The following RABGAP1L variants were observed in gnomAD, a reference collection of about 807,000 sequenced individuals.
RABGAP1L encodes the protein rab GTPase-activating protein 1-like.
Under a neutral mutation model 137.7 loss-of-function variants are expected in RABGAP1L, and 63 were observed. That is an observed-to-expected ratio of 0.46 (90% confidence interval 0.37 to 0.56). RABGAP1L has a LOEUF of 0.56. Ranked by LOEUF, RABGAP1L falls within the 20% of genes least tolerant of loss-of-function variation. The pLI, the probability that RABGAP1L is intolerant of heterozygous loss-of-function variation, is 0.00. For synonymous variants in RABGAP1L, 431 were observed against 433.7 expected (o/e 0.99, Z 0.08); for missense variants, 1,095 against 1,244.0 (o/e 0.88, Z 1.80).
intron 13 of RABGAP1L, among the ~76,000 whole-genome samples, chr1:174,512,870 C>T (rs770898963): frequency 1.3e-5 from 2 of 152,138 alleles, no homozygotes; most frequent in Admixed American, 1.3e-4. Context: ...CACATGTACA[C>T]ATACAAAATT....
At chr1:174,780,311 C>T (rs1239396328) in intron 18 of RABGAP1L, among the ~76,000 whole-genome samples, 2 of 152,032 alleles carry the variant, frequency 1.3e-5, no homozygotes, top group African/African-American at 4.8e-5. Flanking sequence ...ATTCCAACCT[C>T]ACCATGGATC....
At chr1:174,359,032 G>A (rs1254630787) in intron 11 of RABGAP1L, among the ~76,000 whole-genome samples, 1 of 152,208 alleles carries the variant, frequency 6.6e-6, no homozygotes, top group Non-Finnish European at 1.5e-5. Context: ...CCTGAATTAT[G>A]ATGGAAAAGT....
intron 14 of RABGAP1L, among the ~76,000 whole-genome samples, chr1:174,672,977 A>G (rs1217865355): frequency 6.6e-6 from 1 of 152,110 alleles, no homozygotes; most frequent in Non-Finnish European, 1.5e-5. Flanking sequence ...GAATATTCCA[A>G]ATAGGGATAG....
intron 14 of RABGAP1L, among the ~76,000 whole-genome samples, chr1:174,677,795 T>C (rs1052425393): frequency 3.3e-5 from 5 of 152,228 alleles, no homozygotes; most frequent in Non-Finnish European, 4.4e-5. Flanking sequence ...CTGGCAAGTT[T>C]ATAGCTTTAA....
chr1:174,308,872 A>G (rs1558120190), intron 11 of RABGAP1L, among the ~76,000 whole-genome samples: 1 of 151,942 alleles, frequency 6.6e-6, no homozygotes, highest in African/African-American at 2.4e-5. Flanking sequence ...TTGTGGCTCT[A>G]TATGAATCTT....
At chr1:174,612,284 A>C (rs1671327209) in intron 13 of RABGAP1L, among the ~76,000 whole-genome samples, 1 of 152,182 alleles carries the variant, frequency 6.6e-6, no homozygotes, top group Non-Finnish European at 1.5e-5. Flanking sequence ...GAATTTTGTC[A>C]AAGGCCTTTT....
chr1:174,814,058 T>TG (rs1690136907), intron 19 of RABGAP1L, among the ~76,000 whole-genome samples: 1 of 151,966 alleles, frequency 6.6e-6, no homozygotes, highest in Non-Finnish European at 1.5e-5. Context: ...TAGGGAAAAT[T>TG]TTTTTCTCCA....
At chr1:174,692,503 A>T (rs1348390301) in intron 15 of RABGAP1L, among the ~76,000 whole-genome samples, 1 of 152,148 alleles carries the variant, frequency 6.6e-6, no homozygotes, top group Non-Finnish European at 1.5e-5. Flanking sequence ...TTGAAACTGC[A>T]GTTTGTCTGA....
chr1:174,897,444 T>C (rs575679623), intron 19 of RABGAP1L: 2 of 152,338 alleles, frequency 1.3e-5, no homozygotes, highest in East Asian at 3.9e-4. Context: ...AATATTCACT[T>C]ACCTCTGATC....
chr1:174,212,617 C>G (rs1392592841), intron 1 of RABGAP1L, among the ~76,000 whole-genome samples: 1 of 151,322 alleles, frequency 6.6e-6, no homozygotes, highest in Non-Finnish European at 1.5e-5. Flanking sequence ...AGCGACCTAA[C>G]AATACTTAAA....
intron 19 of RABGAP1L, among the ~76,000 whole-genome samples, chr1:174,832,918 A>G (rs966703497): frequency 6.6e-6 from 1 of 152,216 alleles, no homozygotes; most frequent in Admixed American, 6.5e-5. Context: ...TGGCATGTTT[A>G]TCATTTAATC....
intron 13 of RABGAP1L, among the ~76,000 whole-genome samples, chr1:174,517,011 G>C (rs185331476): frequency 6.9e-4 from 105 of 151,652 alleles, no homozygotes; most frequent in African/African-American, 2.3e-3. Context: ...TGTTAATATA[G>C]TCCTGTATTC....
At chr1:174,720,176 C>T (rs1441395133) in intron 17 of RABGAP1L, among the ~76,000 whole-genome samples, 1 of 151,796 alleles carries the variant, frequency 6.6e-6, no homozygotes, top group Non-Finnish European at 1.5e-5. Context: ...GATGCCAAGA[C>T]AATTTAGTAA....
chr1:174,481,035 CCTTT>C (rs1659035394), intron 13 of RABGAP1L, among the ~76,000 whole-genome samples: 1 of 152,140 alleles, frequency 6.6e-6, no homozygotes, highest in Non-Finnish European at 1.5e-5. Flanking sequence ...TTTACTCTCA[CCTTT>C]CTTTATCTGT....
At chr1:174,540,517 G>C (rs1171352834) in intron 13 of RABGAP1L, among the ~76,000 whole-genome samples, 3 of 152,178 alleles carry the variant, frequency 2.0e-5, no homozygotes, top group South Asian at 2.1e-4. Context: ...CGTATGGCTA[G>C]CCAGTTTTCC....
intron 13 of RABGAP1L, among the ~76,000 whole-genome samples, chr1:174,498,045 GTTTTA>G (rs1328202251): frequency 6.6e-6 from 1 of 152,072 alleles, no homozygotes; most frequent in African/African-American, 2.4e-5. Context: ...TTTAAAACAA[GTTTTA>G]TTTTTTTATT....
At position 174,810,892 on chromosome 1, in the gene RABGAP1L, G is replaced by C. The variant is rs564329239; in HGVS notation, c.2212-940G>C. ...GTGGGAAGATACCCTGAGCCCAGGA[G>C]TTATCAGCTTGGGCAACAGAGTGAG... is the stretch of plus-strand genomic sequence containing the variant. On this transcript the variant is annotated intron_variant, in intron 18 of 25. Transcript: ENST00000681986. Among the ~76,000 whole-genome samples the C allele has an allele frequency of 9.2e-5, 14 of 152,034 alleles. No individual in the cohort carries two copies. The East Asian group carries it at 2.7e-3, about 29-fold the overall frequency.
At chr1:174,482,784 G>A (rs1659242119) in intron 13 of RABGAP1L, among the ~76,000 whole-genome samples, 1 of 152,116 alleles carries the variant, frequency 6.6e-6, no homozygotes, top group African/African-American at 2.4e-5. Flanking sequence ...CACACAAAAA[G>A]AAATTGGTTG....
In RABGAP1L at chr1:174,433,326, A is replaced by G. The variant is rs1350537936; in HGVS notation, c.1710+39181A>G. On this transcript the variant is annotated intron_variant, in intron 13 of 25. Coordinates refer to ENST00000681986, the MANE Select transcript of RABGAP1L (RefSeq NM_001366446.1). ...AGAGGAAAATATGAGAAGAAAGGTCATACTGTGTATGGTTTTATTTTATTG... is the reference window on the plus strand; with the variant it reads ...AGAGGAAAATATGAGAAGAAAGGTCGTACTGTGTATGGTTTTATTTTATTG... 3.3e-5 allele frequency among the ~76,000 whole-genome samples: 5 copies of G among 152,354 alleles called. No individual in the cohort carries two copies. In the South Asian group the frequency reaches 8.3e-4, roughly 25 times the overall value.
Sources: allele counts gnomAD v4.1 joint callset (sites outside exome capture counted in the v4.1 genomes callset), GRCh38; gene constraint gnomAD v4.1.1; transcripts MANE v1.5; gene names NCBI Gene and HGNC (gene_info 2026-07-23, HGNC 2026-07-21).